The following EP400 variants were observed in gnomAD, a reference collection of about 807,000 sequenced individuals.
The protein encoded by EP400 is E1A-binding protein p400.
Under a neutral mutation model 354.1 loss-of-function variants are expected in EP400, and 105 were observed. That is an observed-to-expected ratio of 0.30 (90% CI 0.25 to 0.35). The LOEUF (loss-of-function observed/expected upper bound fraction) is 0.35, where lower values mean the gene tolerates loss of function less well. Among genes scored for constraint, EP400 ranks in the 10% least tolerant of loss-of-function variants. EP400 has a pLI of 1.00. For missense variants in EP400, 3,280 were observed against 4,121.0 expected (o/e 0.80, Z 5.59); for synonymous variants, 1,646 against 1,716.9 (o/e 0.96, Z 1.02).
intron 12 of EP400, among the ~76,000 whole-genome samples, chr12:132,004,716 G>C (rs571268136): frequency 6.6e-6 from 1 of 152,286 alleles, no homozygotes; most frequent in African/African-American, 2.4e-5. Context: ...AGGGGTGCAA[G>C]TACAGTGCTG....
intron 50 of EP400, chr12:132,069,009 G>A (rs1895986863): frequency 1.3e-5 from 2 of 154,188 alleles, no homozygotes. Flanking sequence ...CCATAAGCAT[G>A]GCTGATAAAG....
In EP400 at chr12:132,077,745, C is replaced by T. The variant is rs981713556; in HGVS notation, c.*72C>T. 2.7e-6 allele frequency: 4 copies of T among 1,463,828 alleles called. No individual in the cohort carries two copies. In the South Asian group the frequency reaches 5.5e-5, roughly 20 times the overall value. The allele number at this position is 1,463,828 out of a possible 1,614,324, so 90.7% of individuals were successfully genotyped here. A position where few individuals can be genotyped will look rare whatever the true frequency, so the allele number is the denominator to read the frequency against. On this transcript the variant is annotated 3_prime_UTR_variant, in exon 53 of 53. Coordinates refer to ENST00000389561, the MANE Select transcript of EP400 (RefSeq NM_015409.5). ...CACAGAAAACGCTTTATTAGTGAACCTTGGGACCATGTCACGCAAGAGATT... is the reference window on the plus strand; with the variant it reads ...CACAGAAAACGCTTTATTAGTGAACTTTGGGACCATGTCACGCAAGAGATT...
intron 16 of EP400, 109 bp downstream of exon 16, chr12:132,011,743 A>C (rs922252867): frequency 7.6e-7 from 1 of 1,320,844 alleles, no homozygotes; most frequent in African/African-American, 1.5e-5. Flanking sequence ...ATTATTAAAG[A>C]TCACTCATTC....
intron 45 of EP400, among the ~76,000 whole-genome samples, chr12:132,059,834 G>C (rs529833486): frequency 4.6e-4 from 70 of 151,862 alleles, no homozygotes; most frequent in Non-Finnish European, 7.5e-4. Context: ...GGCTAACACG[G>C]TGAAACCCCG....
chr12:132,076,470 C>A, intron 51 of EP400, 46 bp from the exon 52 acceptor site: 1 of 1,588,998 alleles, frequency 6.3e-7, no homozygotes, highest in Non-Finnish European at 8.6e-7. Flanking sequence ...TTTTTGTGCA[C>A]ATACTCCTTT....
In EP400 at chr12:132,050,712, C is replaced by T; in HGVS notation, c.7394+57C>T. On this transcript the variant is annotated intron_variant, in intron 41 of 52. Transcript: ENST00000389561. The surrounding 1 kb of genome is among the most constrained non-coding windows in gnomAD (Gnocchi z 4.8). The stretch of plus-strand genomic sequence containing the variant: ...GTTTGGAAGGATTTCATTCCAGTGT[C>T]ATCTAAGTTCAGTGAGTTCAGCAAA... 1.2e-6 allele frequency: 2 copies of T among 1,600,112 alleles called. No individual in the cohort carries two copies. The highest frequency in any genetic ancestry group is 1.7e-6 in the Non-Finnish European group (2 of 1,167,716).
At chr12:131,995,010 A>G in intron 12 of EP400, 54 bp downstream of exon 12, 1 of 1,507,828 alleles carries the variant, frequency 6.6e-7, no homozygotes, top group South Asian at 1.1e-5. Flanking sequence ...AACATTTAAA[A>G]CATGTGAGAT....
Position 132,037,696 on chromosome 12 carries a change from A to C in EP400, c.5966A>C (p.Asn1989Thr). 6.2e-7 allele frequency: 1 copy of C among 1,614,158 alleles called. No homozygotes were observed. The change falls in exon 31 of 53, where the codon AAT becomes ACT. Residue 1989 changes from asparagine to threonine, a missense_variant. Physicochemically the swap from Asn to Thr is moderately conservative, Grantham distance 65 (BLOSUM62 0). Coordinates refer to ENST00000389561, the MANE Select transcript of EP400 (RefSeq NM_015409.5). ...TTTGTTTGCAGGCTTGTGAGTGGCA[A>C]TTCCATTGAAGAGAAATTGTTGAAA... ...DIHIYRLVSG[N>T]SIEEKLLKNG...
chr12:132,064,069 C>T (rs73164905), intron 47 of EP400, among the ~76,000 whole-genome samples: 12,813 of 145,708 alleles, frequency 0.088, 1,274 homozygotes, highest in African/African-American at 0.23. Flanking sequence ...TCACCTGCCC[C>T]GGTTCAACCA....
At chr12:132,076,323 T>C (rs1053738861) in intron 51 of EP400, 193 bp from the exon 52 acceptor site, 2 of 686,174 alleles carry the variant, frequency 2.9e-6, no homozygotes, top group African/African-American at 3.5e-5. Context: ...GGGGAGGCAG[T>C]CAGTTGACTC....
rs551174227 is a variant in EP400, at chr12:132,079,132, C to T, written c.*1459C>T. The T allele has an allele frequency of 1.3e-5, 2 of 152,362 alleles. No homozygotes were observed. Among genetic ancestry groups the T allele is most frequent in the East Asian group, 3.9e-4 (2 of 5,188 alleles). The allele number at this position is 152,362 out of a possible 1,614,324, so 9.4% of individuals were successfully genotyped here. ...CATCTGCTTCCTCCCCATTCTCTCA[C>T]TTTAAGTGACATTGAGGAAGGTATT... On this transcript the variant is annotated 3_prime_UTR_variant, in exon 53 of 53. Coordinates refer to ENST00000389561, the MANE Select transcript of EP400 (RefSeq NM_015409.5).
chr12:132,071,890 A>G (rs956175970), intron 51 of EP400, among the ~76,000 whole-genome samples: 3 of 152,196 alleles, frequency 2.0e-5, no homozygotes, highest in African/African-American at 4.8e-5. Flanking sequence ...GTCTCCTCCA[A>G]TAAAGCAAGC....
chr12:131,962,709 A>G (rs1891933033), intron 2 of EP400, among the ~76,000 whole-genome samples: 1 of 152,222 alleles, frequency 6.6e-6, no homozygotes, highest in African/African-American at 2.4e-5. Context: ...TCTTAGTACC[A>G]TGGTGAGTCT....
chr12:131,996,079 C>G (rs986338689), intron 12 of EP400, among the ~76,000 whole-genome samples: 1 of 152,202 alleles, frequency 6.6e-6, no homozygotes, highest in Non-Finnish European at 1.5e-5. Flanking sequence ...TTAGGTGTTG[C>G]TATCAGTGTC....
chr12:132,011,712 GAAGACA>G, intron 16 of EP400, 78 bp downstream of exon 16: 1 of 1,462,024 alleles, frequency 6.8e-7, no homozygotes, highest in Non-Finnish European at 9.2e-7. Context: ...TAAAAAATGT[GAAGACA>G]TGCTTATTCA....
chr12:131,972,184 G>A (rs1162705319), intron 2 of EP400, among the ~76,000 whole-genome samples: 2 of 148,770 alleles, frequency 1.3e-5, no homozygotes, highest in Non-Finnish European at 3.0e-5. Flanking sequence ...ACAGAGTCTC[G>A]CTCTGTCGCC....
At position 132,038,975 on chromosome 12, in the gene EP400, A is replaced by C. The variant is rs931334658; in HGVS notation, c.6207+879A>C. Among the ~76,000 whole-genome samples the C allele has an allele frequency of 6.6e-6, 1 of 152,166 alleles. No individual in the cohort carries two copies. The highest frequency in any genetic ancestry group is 2.4e-5 in the African/African-American group (1 of 41,428). ...CTGTTTGACTGCAGCGCATGACTGC[A>C]TGGGCTTCTCTGTATGTTTTTTCTT... On this transcript the variant is annotated intron_variant, in intron 32 of 52. Coordinates refer to ENST00000389561, the MANE Select transcript of EP400 (RefSeq NM_015409.5). This position sits in a 1 kb window ranked among gnomAD's most constrained non-coding sequence, Gnocchi z 4.2.
Position 131,986,735 on chromosome 12 carries a change from A to G in EP400, c.2151A>G (p.Pro717=). 1.9e-6 allele frequency: 3 copies of G among 1,614,206 alleles called. No homozygotes were observed. The highest frequency in any genetic ancestry group is 2.5e-6 in the Non-Finnish European group (3 of 1,180,024). Residue 717 remains proline, a synonymous_variant, in exon 6 of 53, where the codon CCA becomes CCG. Coordinates refer to ENST00000389561, the MANE Select transcript of EP400 (RefSeq NM_015409.5). The part of the protein sequence containing the change: ...PGVVASAPTK[P]QSPAQNATSS... The stretch of plus-strand genomic sequence containing the variant: ...TGGTGGCATCTGCCCCCACCAAACC[A>G]CAGAGTCCTGCTCAGAATGCCACCT...
chr12:131,977,428 C>T (rs541197758), intron 2 of EP400, among the ~76,000 whole-genome samples: 9 of 152,060 alleles, frequency 5.9e-5, no homozygotes, highest in South Asian at 4.2e-4. Context: ...CCACCATGCC[C>T]GGCCTTGTTA....
Sources: gnomAD v4.1 joint callset for allele counts (sites outside exome capture counted in the v4.1 genomes callset) on GRCh38, gnomAD v4.1.1 for gene constraint, Gnocchi (gnomAD v3.1) non-coding constraint, MANE v1.5 for transcripts, NCBI Gene and HGNC (gene_info 2026-07-23, HGNC 2026-07-21) for gene names.